The following ZBTB20 variants were observed in gnomAD, a reference collection of about 807,000 sequenced individuals.
ZBTB20 encodes the protein zinc finger and BTB domain containing 20, also known as zinc finger and BTB domain-containing protein 20.
Under a neutral mutation model 56.9 loss-of-function variants are expected in ZBTB20, and 9 were observed. The observed-to-expected ratio is 0.16, with a 90% confidence interval of 0.10 to 0.28. The LOEUF (loss-of-function observed/expected upper bound fraction) is 0.28. Ranked by LOEUF, ZBTB20 falls within the 10% of genes least tolerant of loss-of-function variation. The probability of loss-of-function intolerance (pLI) is 1.00; values close to 1 mark genes in which losing one functional copy is unlikely to be tolerated. For missense variants in ZBTB20, 655 were observed against 1,003.0 expected, an observed-to-expected ratio of 0.65 and a Z score of 4.69; for synonymous variants, 417 against 420.7, an observed-to-expected ratio of 0.99 and a Z score of 0.11.
intron 5 of ZBTB20, among the ~76,000 whole-genome samples, chr3:114,757,780 T>G (rs1225356534): frequency 6.6e-6 from 1 of 152,144 alleles, no homozygotes; most frequent in African/African-American, 2.4e-5. Context: ...ATTACTTGGC[T>G]CAAGGAATAG....
chr3:114,424,638 C>G (rs2089485428), intron 7 of ZBTB20, among the ~76,000 whole-genome samples: 1 of 152,134 alleles, frequency 6.6e-6, no homozygotes, highest in South Asian at 2.1e-4. Context: ...GCAGGGGAGC[C>G]CCGTTTAACG....
chr3:114,871,573 C>T (rs924074076), intron 4 of ZBTB20, among the ~76,000 whole-genome samples: 6 of 152,136 alleles, frequency 3.9e-5, no homozygotes, highest in Admixed American at 2.0e-4. Flanking sequence ...CCAAAGCATC[C>T]GGAATAGGGG....
At chr3:114,775,364 A>G (rs1413688712) in intron 5 of ZBTB20, among the ~76,000 whole-genome samples, 2 of 152,170 alleles carry the variant, frequency 1.3e-5, no homozygotes, top group African/African-American at 2.4e-5. Context: ...GGCAATATAC[A>G]TGACAGAATG....
intron 6 of ZBTB20, among the ~76,000 whole-genome samples, chr3:114,554,186 C>T (rs908774752): frequency 1.3e-5 from 2 of 152,154 alleles, no homozygotes; most frequent in African/African-American, 4.8e-5. Context: ...TCCTCTCTCA[C>T]TAGAGTGTCT....
At chr3:114,690,226 CT>C (rs1399463254) in intron 6 of ZBTB20, among the ~76,000 whole-genome samples, 4 of 151,852 alleles carry the variant, frequency 2.6e-5, no homozygotes, top group African/African-American at 7.3e-5. Context: ...GGTGGGGAAA[CT>C]TTTTTTTCTT....
At chr3:114,982,588 T>TAAA (rs2078373278) in intron 2 of ZBTB20, among the ~76,000 whole-genome samples, 1 of 151,998 alleles carries the variant, frequency 6.6e-6, no homozygotes, top group Admixed American at 6.6e-5. Flanking sequence ...ATTCATTCCA[T>TAAA]TTAATTTTTA....
At chr3:114,538,610 A>G (rs1243968809) in intron 6 of ZBTB20, among the ~76,000 whole-genome samples, 1 of 152,132 alleles carries the variant, frequency 6.6e-6, no homozygotes, top group Non-Finnish European at 1.5e-5. Flanking sequence ...TGCCAAAGAG[A>G]TAGGTAACCA....
At position 114,329,411 on chromosome 3, in the gene ZBTB20, G is replaced by A. The variant is rs1362463186; in HGVS notation, c.*9594C>T. The stretch of plus-strand genomic sequence containing the variant: ...TTCAACTGAGGCTTTCCATGCATTG[G>A]GTTGAATAGCTGAGGGAAGCTGAAG... On this transcript the variant is annotated 3_prime_UTR_variant, in exon 12 of 12. Coordinates refer to ENST00000675478, the MANE Select transcript of ZBTB20 (RefSeq NM_001348800.3). The A allele has an allele frequency of 6.6e-6, 1 of 152,096 alleles. No individual in the cohort carries two copies. The highest frequency in any genetic ancestry group is 1.5e-5 in the Non-Finnish European group (1 of 68,014). 9.4% of individuals were successfully genotyped at this position (152,096 alleles called of 1,614,324 possible).
At chr3:114,846,256 G>A (rs779859302) in intron 4 of ZBTB20, among the ~76,000 whole-genome samples, 2 of 152,200 alleles carry the variant, frequency 1.3e-5, no homozygotes, top group Non-Finnish European at 2.9e-5. Flanking sequence ...TCACCATACT[G>A]ATGAGCTTTC....
At chr3:114,449,541 C>T (rs1576811214) in intron 7 of ZBTB20, among the ~76,000 whole-genome samples, 1 of 151,970 alleles carries the variant, frequency 6.6e-6, no homozygotes. Flanking sequence ...GAATATTCTT[C>T]GATAGCGATG....
At chr3:115,004,177 C>A (rs1365153306) in intron 2 of ZBTB20, among the ~76,000 whole-genome samples, 1 of 151,616 alleles carries the variant, frequency 6.6e-6, no homozygotes, top group Non-Finnish European at 1.5e-5. Context: ...TCTAGTTGGT[C>A]TGCAAAGAAA....
intron 4 of ZBTB20, among the ~76,000 whole-genome samples, chr3:114,857,001 G>GA (rs2075283979): frequency 6.6e-6 from 1 of 152,098 alleles, no homozygotes; most frequent in South Asian, 2.1e-4. Context: ...AAAAGTCACT[G>GA]GTTTGTTGAG....
intron 4 of ZBTB20, among the ~76,000 whole-genome samples, chr3:114,843,860 T>C (rs541737002): frequency 7.2e-6 from 1 of 138,194 alleles, no homozygotes; most frequent in African/African-American, 2.6e-5. Context: ...TTTTTTTTTG[T>C]ATTTTGAGTA....
intron 4 of ZBTB20, among the ~76,000 whole-genome samples, chr3:114,834,967 TGAAAG>T: frequency 6.6e-6 from 1 of 152,248 alleles, no homozygotes; most frequent in East Asian, 1.9e-4. Flanking sequence ...AAAGCCACAG[TGAAAG>T]GAAAGTTGTT....
At chr3:114,579,138 A>G (rs996198354) in intron 6 of ZBTB20, among the ~76,000 whole-genome samples, 25 of 151,886 alleles carry the variant, frequency 1.6e-4, no homozygotes, top group Non-Finnish European at 4.4e-5. Flanking sequence ...AGTGCTAAAG[A>G]AACAGATAAA....
At chr3:115,024,759 A>G (rs2080349183) in intron 2 of ZBTB20, among the ~76,000 whole-genome samples, 1 of 151,056 alleles carries the variant, frequency 6.6e-6, no homozygotes, top group Non-Finnish European at 1.5e-5. Flanking sequence ...TTGACCGTAC[A>G]ACATAAAACT....
intron 7 of ZBTB20, among the ~76,000 whole-genome samples, chr3:114,452,457 C>G (rs2091680811): frequency 6.6e-6 from 1 of 152,150 alleles, no homozygotes; most frequent in Non-Finnish European, 1.5e-5. Flanking sequence ...CAAGTGCTAA[C>G]ACTGGCCACC....
At chr3:115,127,841 C>T (rs961545279) in intron 1 of ZBTB20, among the ~76,000 whole-genome samples, 1 of 152,082 alleles carries the variant, frequency 6.6e-6, no homozygotes, top group African/African-American at 2.4e-5. Context: ...ATAGAAGACA[C>T]CAGAATTCAG....
intron 5 of ZBTB20, among the ~76,000 whole-genome samples, chr3:114,760,969 A>G (rs546466243): frequency 6.6e-6 from 1 of 152,200 alleles, no homozygotes; most frequent in Non-Finnish European, 1.5e-5. Flanking sequence ...AAGAGTGCAA[A>G]TGTTAAATGA....
Sources: allele counts gnomAD v4.1 joint callset (sites outside exome capture counted in the v4.1 genomes callset), GRCh38; gene constraint gnomAD v4.1.1; transcripts MANE v1.5; gene names NCBI Gene and HGNC (gene_info 2026-07-23, HGNC 2026-07-21).